The following NHSL1 variants were observed in gnomAD, a reference collection of about 807,000 sequenced individuals.
The protein encoded by NHSL1 is NHS like 1.
A neutral mutation model predicts 95.0 loss-of-function variants in NHSL1; 48 were observed. That is an observed-to-expected ratio of 0.51 (90% CI 0.40 to 0.64). The LOEUF (loss-of-function observed/expected upper bound fraction) is 0.64, where lower values mean the gene tolerates loss of function less well. Ranked by LOEUF, NHSL1 falls within the 30% of genes least tolerant of loss-of-function variation. NHSL1 has a pLI of 0.00. For synonymous variants in NHSL1, 783 were observed against 833.9 expected (o/e 0.94, Z 1.05); for missense variants, 1,971 against 2,077.7 (o/e 0.95, Z 1.00).
intron 1 of NHSL1, among the ~76,000 whole-genome samples, chr6:138,588,053 T>C (rs1784164451): frequency 6.6e-6 from 1 of 152,294 alleles, no homozygotes; most frequent in African/African-American, 2.4e-5. Context: ...CTCAGCAGTC[T>C]ACTGCTGTGC....
At chr6:138,690,924 A>G (rs1047375115) in intron 1 of NHSL1, among the ~76,000 whole-genome samples, 4 of 152,328 alleles carry the variant, frequency 2.6e-5, no homozygotes, top group Non-Finnish European at 5.9e-5. Flanking sequence ...CAAACTAGTA[A>G]AGGAAGGAGT....
chr6:138,613,388 G>A (rs1474565800), intron 1 of NHSL1, among the ~76,000 whole-genome samples: 1 of 152,182 alleles, frequency 6.6e-6, no homozygotes, highest in East Asian at 1.9e-4. Flanking sequence ...CCACAGATGG[G>A]AAACACCATG....
At chr6:138,528,719 T>A (rs1782012755) in intron 1 of NHSL1, among the ~76,000 whole-genome samples, 1 of 152,222 alleles carries the variant, frequency 6.6e-6, no homozygotes, top group Non-Finnish European at 1.5e-5. Flanking sequence ...ATTCACCACA[T>A]TGGCAAAACA....
At chr6:138,532,792 C>T (rs1268381294) in intron 1 of NHSL1, among the ~76,000 whole-genome samples, 3 of 152,224 alleles carry the variant, frequency 2.0e-5, no homozygotes, top group South Asian at 2.1e-4. Flanking sequence ...ATTTTACTCA[C>T]GGCTAATAGC....
At position 138,590,135 on chromosome 6, in the gene NHSL1, C is replaced by T. The variant is rs1377581895; in HGVS notation, c.97-93764G>A. On this transcript the variant is annotated intron_variant, in intron 1 of 3. Transcript: ENST00000491526. ...GCCTCAGCCTCCCAAGTAGCTGTGA[C>T]TACAGGTGCCCATCACCATGCCTGG... Among the ~76,000 whole-genome samples, 3 of 152,140 alleles carry T rather than the reference C, an allele frequency of 2.0e-5. No homozygotes were observed. The East Asian group carries it at 5.8e-4, about 29-fold the overall frequency.
At chr6:138,643,049 ATCTTAAAGATGTT>A (rs1784977289) in intron 1 of NHSL1, among the ~76,000 whole-genome samples, 1 of 152,226 alleles carries the variant, frequency 6.6e-6, no homozygotes, top group African/African-American at 2.4e-5. Context: ...GGTAGAAGAC[ATCTTAAAGATGTT>A]TTAAAGAAAA....
At chr6:138,664,819 G>A in intron 1 of NHSL1, among the ~76,000 whole-genome samples, 1 of 152,246 alleles carries the variant, frequency 6.6e-6, no homozygotes, top group East Asian at 1.9e-4. Flanking sequence ...TGGAGCCCCA[G>A]CAAAGAGTTG....
At chr6:138,446,383 T>A (rs752273736) in intron 4 of NHSL1, among the ~76,000 whole-genome samples, 12 of 152,214 alleles carry the variant, frequency 7.9e-5, no homozygotes, top group Non-Finnish European at 1.3e-4. Context: ...TGAAAGATCA[T>A]CTTTGAATTT....
intron 1 of NHSL1, among the ~76,000 whole-genome samples, chr6:138,569,712 G>A (rs1054937454): frequency 1.3e-5 from 2 of 152,178 alleles, no homozygotes. Flanking sequence ...AAGATCAACT[G>A]TTATAACATT....
At chr6:138,486,163 T>C (rs1779718617) in intron 2 of NHSL1, among the ~76,000 whole-genome samples, 1 of 152,178 alleles carries the variant, frequency 6.6e-6, no homozygotes, top group Non-Finnish European at 1.5e-5. Flanking sequence ...CCCCTCCTGC[T>C]GACTCCTTTT....
intron 1 of NHSL1, among the ~76,000 whole-genome samples, chr6:138,581,106 G>C (rs559664146): frequency 5.3e-5 from 8 of 152,360 alleles, no homozygotes; most frequent in Admixed American, 2.0e-4. Flanking sequence ...AGAGCTATGA[G>C]GGAATAAATT....
intron 3 of NHSL1, among the ~76,000 whole-genome samples, chr6:138,451,877 A>C (rs186949982): frequency 3.2e-4 from 49 of 152,334 alleles, no homozygotes; most frequent in Admixed American, 1.3e-3. Flanking sequence ...ACCTTTTGAA[A>C]AGCTATACAA....
chr6:138,460,706 A>G (rs979528489), intron 3 of NHSL1, among the ~76,000 whole-genome samples: 2 of 151,918 alleles, frequency 1.3e-5, no homozygotes, highest in Admixed American at 1.3e-4. Context: ...GGATTACTGT[A>G]TATAATTTTT....
At chr6:138,499,210 T>C (rs201859825) in intron 1 of NHSL1, 23 bp downstream of exon 1, 68 of 1,450,720 alleles carry the variant, frequency 4.7e-5, no homozygotes, top group South Asian at 3.8e-4. Flanking sequence ...CAATAGGTAG[T>C]AGAGAGAAAA....
intron 1 of NHSL1, among the ~76,000 whole-genome samples, chr6:138,558,536 C>T (rs1327248264): frequency 2.0e-5 from 3 of 150,750 alleles, no homozygotes; most frequent in South Asian, 2.1e-4. Flanking sequence ...CAATTCTCCT[C>T]CCTCAGCCTC....
At chr6:138,511,479 G>T (rs1781227451) in intron 1 of NHSL1, among the ~76,000 whole-genome samples, 2 of 151,758 alleles carry the variant, frequency 1.3e-5, no homozygotes, top group African/African-American at 4.8e-5. Flanking sequence ...GGTCTATGGG[G>T]TCTCCCAATG....
At chr6:138,589,679 G>A (rs1264785202) in intron 1 of NHSL1, among the ~76,000 whole-genome samples, 1 of 152,126 alleles carries the variant, frequency 6.6e-6, no homozygotes, top group East Asian at 1.9e-4. Context: ...TCTCACAGTA[G>A]GAATGAATTG....
At chr6:138,642,583 G>A (rs943880002) in intron 1 of NHSL1, among the ~76,000 whole-genome samples, 5 of 152,148 alleles carry the variant, frequency 3.3e-5, no homozygotes, top group African/African-American at 4.8e-5. Context: ...CCAGATTGTC[G>A]TGAACCATGA....
chr6:138,691,874 A>G (rs1785676770), intron 1 of NHSL1: 5 of 456,510 alleles, frequency 1.1e-5, no homozygotes, highest in Non-Finnish European at 2.2e-5. Context: ...AATCACAAAG[A>G]GCTGGTGGGT....
Sources: gnomAD v4.1 joint callset for allele counts (sites outside exome capture counted in the v4.1 genomes callset) on GRCh38, gnomAD v4.1.1 for gene constraint, MANE v1.5 for transcripts, NCBI Gene and HGNC (gene_info 2026-07-23, HGNC 2026-07-21) for gene names.